Variants in AAMDC observed in about 807,000 individuals in gnomAD.
The protein encoded by AAMDC is mth938 domain-containing protein.
A neutral mutation model predicts 15.5 loss-of-function variants in AAMDC; 16 were observed. The ratio of observed to expected loss-of-function variants is 1.03; its 90% confidence interval spans 0.70 to 1.57. AAMDC has a LOEUF of 1.57. Ranked by LOEUF, AAMDC falls within the 40% of genes most tolerant of loss-of-function variation. The pLI, the probability that AAMDC is intolerant of heterozygous loss-of-function variation, is 0.00. For missense variants in AAMDC, 141 were observed against 144.9 expected (o/e 0.97, Z 0.14); for synonymous variants, 51 against 51.6 (o/e 0.99, Z 0.05).
At chr11:77,872,439 T>C, downstream of AAMDC, 1 of 1,197,216 alleles carries the variant, frequency 8.4e-7, no homozygotes, top group Non-Finnish European at 1.1e-6. Flanking sequence ...TGTGCTAGGC[T>C]CTTGGGATGC....
chr11:77,858,410 A>C (rs1475565222), intron 2 of AAMDC, among the ~76,000 whole-genome samples: 1 of 147,890 alleles, frequency 6.8e-6, no homozygotes, highest in Non-Finnish European at 1.5e-5. Context: ...TGCCGGCTCG[A>C]ATGCCTGCTG....
chr11:77,894,296 A>C, intron 5 of AAMDC: 1 of 1,536,740 alleles, frequency 6.5e-7, no homozygotes, highest in Non-Finnish European at 9.0e-7. Context: ...TTACCTCTGA[A>C]AAAAGTCTAC....
intron 2 of AAMDC, 67 bp from the exon 3 acceptor site, chr11:77,869,655 A>T: frequency 7.0e-7 from 1 of 1,432,590 alleles, no homozygotes; most frequent in African/African-American, 1.4e-5. Context: ...AATGAATCCC[A>T]CAAGAATGCC....
intron 5 of AAMDC, chr11:77,891,785 C>T (rs1952280558): frequency 6.2e-7 from 1 of 1,611,826 alleles, no homozygotes; most frequent in Admixed American, 1.7e-5. Context: ...GGCATAAGGT[C>T]AAGGAGTTTG....
chr11:77,853,036 T>G lies in AAMDC; in HGVS notation c.132+10408T>G, dbSNP rs1242689359. ...ATTTTTTTTTGTATTGTTGAAAGTG[T>G]ATATCCAGGGTAAATTTTTAGAACT... On this transcript the variant is annotated intron_variant, in intron 2 of 3. Transcript: ENST00000393427. Among the ~76,000 whole-genome samples the G allele has an allele frequency of 3.9e-5, 6 of 152,292 alleles. No homozygotes were observed. The East Asian group carries it at 1.2e-3, about 29-fold the overall frequency.
chr11:77,829,903 C>G (rs7126909), intron 1 of AAMDC: 2 of 152,012 alleles, frequency 1.3e-5, no homozygotes, highest in African/African-American at 4.8e-5. Flanking sequence ...AGACCAAGGC[C>G]GGAGGATCAC....
At chr11:77,838,307 C>T (rs1949781000) in intron 1 of AAMDC, among the ~76,000 whole-genome samples, 1 of 152,072 alleles carries the variant, frequency 6.6e-6, no homozygotes, top group Admixed American at 6.6e-5. Flanking sequence ...GTGAACATAC[C>T]TTGTAGATAT....
chr11:77,884,711 C>G, intron 5 of AAMDC: 1 of 274,254 alleles, frequency 3.6e-6, no homozygotes, highest in Non-Finnish European at 7.8e-6. Context: ...AATCCTTCAT[C>G]TCTCCTCAGG....
intron 5 of AAMDC, among the ~76,000 whole-genome samples, chr11:77,882,005 A>T (rs1181038486): frequency 6.6e-6 from 1 of 151,392 alleles, no homozygotes; most frequent in African/African-American, 2.4e-5. Context: ...TTGACCCCCC[A>T]GACTCAAGCA....
At chr11:77,870,278 C>G (rs1468873103) in intron 3 of AAMDC, among the ~76,000 whole-genome samples, 2 of 150,558 alleles carry the variant, frequency 1.3e-5, no homozygotes, top group African/African-American at 4.9e-5. Flanking sequence ...CCTCGGCCTC[C>G]CAAAATGCTA....
downstream of AAMDC, among the ~76,000 whole-genome samples, chr11:77,875,126 C>T (rs1017630402): frequency 6.6e-6 from 1 of 151,992 alleles, no homozygotes; most frequent in Non-Finnish European, 1.5e-5. Flanking sequence ...GTTCAATCAT[C>T]TCAAAGCAAA....
Position 77,905,903 on chromosome 11 carries a change from C to T in AAMDC, c.229-12158C>T, listed in dbSNP as rs191099711. On this transcript the variant is annotated intron_variant, in intron 3 of 3. Transcript: ENST00000532481. ...AGACCCACCCAACTGTCATTAGTAA[C>T]CTGAGTGTTTATGCTTGCAAAAATG... Among the ~76,000 whole-genome samples the T allele has an allele frequency of 2.2e-3, 332 of 152,140 alleles. 2 individuals carry two copies. Among genetic ancestry groups the T allele is most frequent in the African/African-American group, 7.8e-3 (322 of 41,526 alleles).
intron 5 of AAMDC, among the ~76,000 whole-genome samples, chr11:77,882,054 G>C (rs1244067164): frequency 6.6e-6 from 1 of 152,004 alleles, no homozygotes; most frequent in African/African-American, 2.4e-5. Flanking sequence ...TGGGACTACA[G>C]GCACATGCCA....
At position 77,859,311 on chromosome 11, in the gene AAMDC, C is replaced by T. The variant is rs541673805; in HGVS notation, c.133-10411C>T. 5.9e-5 allele frequency among the ~76,000 whole-genome samples: 9 copies of T among 152,224 alleles called. No homozygotes were observed. In the South Asian group the frequency reaches 1.9e-3, roughly 32 times the overall value. ...TGCTTCAATATCTGCTTGGTAGTTC[C>T]CTTCTATTTCCCTTTCCTTTCCTTT... On this transcript the variant is annotated intron_variant, in intron 2 of 3. Coordinates refer to ENST00000393427, the MANE Select transcript of AAMDC (RefSeq NM_024684.4).
At chr11:77,900,479 T>C in intron 5 of AAMDC, 1 of 567,178 alleles carries the variant, frequency 1.8e-6, no homozygotes, top group South Asian at 2.4e-5. Context: ...TAAAATATTT[T>C]ATTTTTCAGG....
intron 2 of AAMDC, among the ~76,000 whole-genome samples, chr11:77,867,585 A>C (rs1369027142): frequency 6.6e-6 from 1 of 152,224 alleles, no homozygotes; most frequent in African/African-American, 2.4e-5. Flanking sequence ...GAATGAAAGG[A>C]TAGAGGTATA....
At chr11:77,902,971 T>C (rs573964137), downstream of AAMDC, among the ~76,000 whole-genome samples, 697 of 152,342 alleles carry the variant, frequency 4.6e-3, 4 homozygotes, top group African/African-American at 0.016. Context: ...CGTTTCACCA[T>C]GTTGGCCAGG....
At chr11:77,841,376 C>A (rs746191587) in intron 1 of AAMDC, 16 of 585,554 alleles carry the variant, frequency 2.7e-5, no homozygotes, top group Non-Finnish European at 4.9e-5. Flanking sequence ...GAGTTTTTTC[C>A]TTGATTTTAT....
chr11:77,860,473 T>C (rs1411964082), intron 2 of AAMDC, among the ~76,000 whole-genome samples: 7 of 152,256 alleles, frequency 4.6e-5, no homozygotes, highest in Admixed American at 4.6e-4. Context: ...TGAGCAGAGC[T>C]GAGCGTTTGG....
Sources: gnomAD v4.1 joint callset for allele counts (sites outside exome capture counted in the v4.1 genomes callset) on GRCh38, gnomAD v4.1.1 for gene constraint, MANE v1.5 for transcripts, NCBI Gene and HGNC (gene_info 2026-07-23, HGNC 2026-07-21) for gene names.